SMYD3: variants seen among roughly 807,000 people sequenced by gnomAD.
SMYD3 encodes SET and MYND domain containing 3.
In SMYD3, 36 loss-of-function variants were observed where a neutral mutation model predicts 57.7. The observed-to-expected ratio is 0.62, with a 90% CI of 0.48 to 0.82. The LOEUF is 0.82. Among genes scored for constraint, SMYD3 ranks in the 40% least tolerant of loss-of-function variants. The probability of loss-of-function intolerance (pLI) is 0.00; values close to 1 mark genes in which losing one functional copy is unlikely to be tolerated. For synonymous variants in SMYD3, 211 were observed against 195.0 expected, an observed-to-expected ratio of 1.08 and a Z score of -0.68; for missense variants, 515 against 538.8, an observed-to-expected ratio of 0.96 and a Z score of 0.44.
intron 3 of SMYD3, among the ~76,000 whole-genome samples, chr1:246,330,814 C>T (rs1039297870): frequency 1.3e-5 from 2 of 152,108 alleles, no homozygotes; most frequent in Admixed American, 6.6e-5. Flanking sequence ...TCTATAAAAT[C>T]GTGTACCGGC....
chr1:246,300,030 A>G (rs999861356), intron 5 of SMYD3, among the ~76,000 whole-genome samples: 2 of 152,062 alleles, frequency 1.3e-5, no homozygotes, highest in Non-Finnish European at 2.9e-5. Flanking sequence ...TAAAAAAAAA[A>G]AAAGTTAACA....
chr1:245,857,897 C>T (rs1009574831), intron 10 of SMYD3, among the ~76,000 whole-genome samples: 6 of 152,150 alleles, frequency 3.9e-5, no homozygotes, highest in Admixed American at 6.5e-5. Flanking sequence ...CTACTGGTCT[C>T]CAGGAGCTGA....
chr1:245,798,469 CACATACACAACACACCACACACACACACA>C, intron 10 of SMYD3, among the ~76,000 whole-genome samples: 1 of 29,576 alleles, frequency 3.4e-5, no homozygotes, highest in East Asian at 1.9e-3. Context: ...CACATACACA[CACATACACAACACACCACACACACACACA>C]CACACACCTT....
chr1:246,216,803 ACTCTG>A (rs2063171622), intron 5 of SMYD3, among the ~76,000 whole-genome samples: 1 of 152,110 alleles, frequency 6.6e-6, no homozygotes, highest in South Asian at 2.1e-4. Flanking sequence ...CAGTAAGTAA[ACTCTG>A]AAGCTAGCTT....
chr1:246,200,954 A>G (rs12406327), intron 5 of SMYD3, among the ~76,000 whole-genome samples: 30,254 of 152,220 alleles, frequency 0.2, 3,378 homozygotes, highest in East Asian at 0.34. Flanking sequence ...GAAGTCTCAG[A>G]AATGCAAGTC....
At chr1:246,091,787 GCATCAGGA>G (rs1381341027) in intron 5 of SMYD3, among the ~76,000 whole-genome samples, 2 of 152,194 alleles carry the variant, frequency 1.3e-5, no homozygotes, top group Non-Finnish European at 2.9e-5. Context: ...TGCTAACTCT[GCATCAGGA>G]ATATCAACTT....
At chr1:245,914,001 T>C (rs1217943653) in intron 8 of SMYD3, among the ~76,000 whole-genome samples, 7 of 152,130 alleles carry the variant, frequency 4.6e-5, no homozygotes, top group Non-Finnish European at 1.0e-4. Context: ...GGGGAAAACA[T>C]ACTCTCATAC....
intron 5 of SMYD3, among the ~76,000 whole-genome samples, chr1:246,007,037 C>T (rs2059186583): frequency 6.6e-6 from 1 of 152,162 alleles, no homozygotes; most frequent in Non-Finnish European, 1.5e-5. Context: ...GGCTTCCTCT[C>T]CTGGGCCAGA....
At chr1:246,363,046 G>C (rs938081309) in intron 1 of SMYD3, among the ~76,000 whole-genome samples, 4 of 151,064 alleles carry the variant, frequency 2.6e-5, no homozygotes, top group Non-Finnish European at 5.9e-5. Flanking sequence ...CCCATCGTCT[G>C]AGATGTGGGG....
chr1:245,753,830 T>G (rs2045498481), intron 11 of SMYD3, among the ~76,000 whole-genome samples: 1 of 152,262 alleles, frequency 6.6e-6, no homozygotes, highest in African/African-American at 2.4e-5. Flanking sequence ...CTGTCACCCA[T>G]GCGCATGTCA....
At chr1:246,244,073 AC>A (rs1238639525) in intron 5 of SMYD3, among the ~76,000 whole-genome samples, 2 of 142,876 alleles carry the variant, frequency 1.4e-5, no homozygotes, top group Non-Finnish European at 3.1e-5. Context: ...AGTTAAAAAA[AC>A]ATTTTATTTC....
chr1:245,888,378 AAAATAATGT>A (rs1459526512), intron 8 of SMYD3, among the ~76,000 whole-genome samples: 2 of 152,232 alleles, frequency 1.3e-5, no homozygotes, highest in Non-Finnish European at 1.5e-5. Flanking sequence ...TCTCTCAAGA[AAAATAATGT>A]AAATAAATAA....
intron 5 of SMYD3, among the ~76,000 whole-genome samples, chr1:246,074,851 C>A (rs1043852995): frequency 1.3e-5 from 2 of 151,836 alleles, no homozygotes; most frequent in African/African-American, 4.9e-5. Context: ...TCAGTTGCTG[C>A]CCTTCACAGG....
intron 5 of SMYD3, among the ~76,000 whole-genome samples, chr1:245,951,243 G>A (rs923391524): frequency 6.6e-6 from 1 of 151,910 alleles, no homozygotes; most frequent in Non-Finnish European, 1.5e-5. Context: ...AAAGATGCGG[G>A]GGTGAATTAC....
At chr1:245,862,440 T>C (rs576039300) in intron 9 of SMYD3, among the ~76,000 whole-genome samples, 9 of 152,242 alleles carry the variant, frequency 5.9e-5, no homozygotes, top group Non-Finnish European at 8.8e-5. Context: ...TATATGTTCT[T>C]GTTATATTTC....
chr1:246,473,298 T>G (rs7532077), intron 1 of SMYD3, among the ~76,000 whole-genome samples: 81 of 152,148 alleles, frequency 5.3e-4, no homozygotes, highest in Non-Finnish European at 9.6e-4. Flanking sequence ...CTTCAGCAGT[T>G]TGAGTTCAGA....
At chr1:246,318,294 G>A (rs2065196476) in intron 5 of SMYD3, among the ~76,000 whole-genome samples, 1 of 152,160 alleles carries the variant, frequency 6.6e-6, no homozygotes, top group South Asian at 2.1e-4. Flanking sequence ...AATCACTTAA[G>A]CCTAGGAGTT....
intron 2 of SMYD3, among the ~76,000 whole-genome samples, chr1:246,349,102 G>A (rs1295119163): frequency 6.6e-6 from 1 of 152,102 alleles, no homozygotes; most frequent in Non-Finnish European, 1.5e-5. Context: ...AAATTCTGTA[G>A]AGAGAAGGAA....
chr1:246,358,943 G>T (rs534446439), intron 1 of SMYD3, among the ~76,000 whole-genome samples: 3 of 151,898 alleles, frequency 2.0e-5, no homozygotes, highest in African/African-American at 7.2e-5. Context: ...AAATGCAGCA[G>T]AAGAAAAGAA....
Sources: gnomAD v4.1 joint callset for allele counts (sites outside exome capture counted in the v4.1 genomes callset) on GRCh38, gnomAD v4.1.1 for gene constraint, MANE v1.5 for transcripts, NCBI Gene and HGNC (gene_info 2026-07-23, HGNC 2026-07-21) for gene names.